The following SPPL3 variants were observed in gnomAD, a reference collection of about 807,000 sequenced individuals.
SPPL3 encodes signal peptide peptidase-like 3.
SPPL3 carries 5 observed loss-of-function variants against 42.4 expected under a neutral mutation model. The observed-to-expected ratio is 0.12, with a 90% confidence interval of 0.06 to 0.25. SPPL3 has a LOEUF of 0.25. SPPL3 is among the 10% of genes least tolerant of loss of function. The probability of loss-of-function intolerance (pLI) is 1.00; values close to 1 mark genes in which losing one functional copy is unlikely to be tolerated. For missense variants in SPPL3, 235 were observed against 489.0 expected, an observed-to-expected ratio of 0.48 and a Z score of 4.90; for synonymous variants, 195 against 181.8, an observed-to-expected ratio of 1.07 and a Z score of -0.58.
chr12:120,810,410 T>G (rs1592974126), intron 2 of SPPL3, among the ~76,000 whole-genome samples: 1 of 152,338 alleles, frequency 6.6e-6, no homozygotes, highest in Non-Finnish European at 1.5e-5. Context: ...AATGTTCTCT[T>G]TGTCATTTTA....
intron 1 of SPPL3, among the ~76,000 whole-genome samples, chr12:120,890,859 G>A (rs897090128): frequency 1.2e-4 from 18 of 152,272 alleles, no homozygotes; most frequent in Admixed American, 1.2e-3. Flanking sequence ...ATGTCTCCGA[G>A]GTATCTAGCT....
chr12:120,802,299 T>C (rs1229681593), intron 2 of SPPL3, among the ~76,000 whole-genome samples: 1 of 151,110 alleles, frequency 6.6e-6, no homozygotes, highest in African/African-American at 2.4e-5. Context: ...TGTATTTAGC[T>C]GGCAACATAA....
At chr12:120,788,466 T>A (rs1869795914) in intron 3 of SPPL3, among the ~76,000 whole-genome samples, 1 of 152,228 alleles carries the variant, frequency 6.6e-6, no homozygotes, top group Non-Finnish European at 1.5e-5. Context: ...AAGTTCTGAT[T>A]TTTTGGGGCA....
chr12:120,899,834 T>C (rs1364229513), intron 1 of SPPL3, among the ~76,000 whole-genome samples: 1 of 139,560 alleles, frequency 7.2e-6, no homozygotes, highest in Non-Finnish European at 1.5e-5. Context: ...CGGAGGTTGC[T>C]GTGAGCGGAG....
chr12:120,822,287 C>A (rs1005648057), intron 1 of SPPL3, among the ~76,000 whole-genome samples: 2 of 152,172 alleles, frequency 1.3e-5, no homozygotes, highest in Non-Finnish European at 2.9e-5. Context: ...ACAATAACAA[C>A]TTTTATAAAA....
chr12:120,859,898 G>A (rs552970307), intron 1 of SPPL3, among the ~76,000 whole-genome samples: 15 of 151,796 alleles, frequency 9.9e-5, no homozygotes, highest in Non-Finnish European at 1.6e-4. Context: ...AGCCAAGATC[G>A]CGCCACTGCA....
chr12:120,873,949 G>C (rs1404367362), intron 1 of SPPL3, among the ~76,000 whole-genome samples: 1 of 151,958 alleles, frequency 6.6e-6, no homozygotes, highest in Non-Finnish European at 1.5e-5. Context: ...GATCTTTAAA[G>C]TACTGAAGGA....
chr12:120,832,738 G>A (rs1451288846), intron 1 of SPPL3, among the ~76,000 whole-genome samples: 2 of 152,046 alleles, frequency 1.3e-5, no homozygotes, highest in Non-Finnish European at 1.5e-5. Flanking sequence ...TATATCCAAG[G>A]AAGAAACCCA....
In SPPL3 at chr12:120,876,572, G is replaced by A. The variant is rs578167508; in HGVS notation, c.23+27273C>T. Among the ~76,000 whole-genome samples, 61 of 133,052 alleles carry A rather than the reference G, an allele frequency of 4.6e-4. 1 individual carries two copies. The highest frequency in any genetic ancestry group is 1.4e-3 in the African/African-American group (49 of 34,836). The allele number at this position is 133,052 out of a possible 152,430, so 87.3% of individuals were successfully genotyped here. On this transcript the variant is annotated intron_variant, in intron 1 of 10. Transcript: ENST00000353487. ...GCAGAGCTTGCAGTGAGCCGAGATC[G>A]CGCCACTGCACTCCAGCCTGTGTGA...
chr12:120,830,580 G>GGAGGGAGAGAGAGAGAGA (rs1871392231), intron 1 of SPPL3, among the ~76,000 whole-genome samples: 1 of 7,312 alleles, frequency 1.4e-4, no homozygotes, highest in South Asian at 0.012. Flanking sequence ...AGGGGGGGAA[G>GGAGGGAGAGAGAGAGAGA]GAGAGAGAGA....
At chr12:120,817,247 A>G (rs1592977247) in intron 1 of SPPL3, among the ~76,000 whole-genome samples, 1 of 152,310 alleles carries the variant, frequency 6.6e-6, no homozygotes, top group Non-Finnish European at 1.5e-5. Flanking sequence ...ATGAGCCATG[A>G]TCGTGCCACT....
At chr12:120,837,744 T>A (rs1035961089) in intron 1 of SPPL3, among the ~76,000 whole-genome samples, 3 of 152,184 alleles carry the variant, frequency 2.0e-5, no homozygotes, top group Non-Finnish European at 4.4e-5. Flanking sequence ...CCTTCCAACA[T>A]TTATTCTCTC....
rs563354428 is a variant in SPPL3 at position 120,768,774 on chromosome 12, G to A, written c.609+179C>T. ...CACACACACACACTACCTACTGTAC[G>A]ACTTTTCAGCAAACAAAAGGATCGG... On this transcript the variant is annotated intron_variant, in intron 7 of 10. Transcript: ENST00000353487. 3.5e-5 allele frequency: 23 copies of A among 650,268 alleles called. 1 individual carries two copies. Among genetic ancestry groups the A allele is most frequent in the South Asian group, 2.6e-4 (13 of 50,976 alleles). 40.3% of individuals were successfully genotyped at this position (650,268 alleles called of 1,614,324 possible). A position where few individuals can be genotyped will look rare whatever the true frequency, so the allele number is the denominator to read the frequency against.
intron 1 of SPPL3, among the ~76,000 whole-genome samples, chr12:120,884,176 G>A (rs1348600454): frequency 2.6e-5 from 4 of 151,378 alleles, no homozygotes; most frequent in Non-Finnish European, 4.4e-5. Context: ...CAAAATTCAC[G>A]ACAGTGGTTA....
At chr12:120,843,004 G>C (rs991365631) in intron 1 of SPPL3, among the ~76,000 whole-genome samples, 3 of 152,138 alleles carry the variant, frequency 2.0e-5, no homozygotes, top group African/African-American at 4.8e-5. Context: ...ACTATTTCTA[G>C]GTTGAAATGT....
At position 120,901,952 on chromosome 12, in the gene SPPL3, T is replaced by C. The variant is rs999991965; in HGVS notation, c.23+1893A>G. 6 of 985,296 alleles carry C rather than the reference T, an allele frequency of 6.1e-6. No individual in the cohort carries two copies. In the South Asian group the frequency reaches 1.9e-4, roughly 31 times the overall value. 61.0% of individuals were successfully genotyped at this position (985,296 alleles called of 1,614,324 possible). A position where few individuals can be genotyped will look rare whatever the true frequency, so the allele number is the denominator to read the frequency against. ...TTCTTTCAACCATCCAGGGCCTCTGTACAGCACAGTAAAAACAGCAAAGCA... is the reference window on the plus strand; with the variant it reads ...TTCTTTCAACCATCCAGGGCCTCTGCACAGCACAGTAAAAACAGCAAAGCA... On this transcript the variant is annotated intron_variant, in intron 1 of 10. Coordinates refer to ENST00000353487, the MANE Select transcript of SPPL3 (RefSeq NM_139015.5).
At chr12:120,808,178 C>T (rs775098213) in intron 2 of SPPL3, among the ~76,000 whole-genome samples, 1 of 151,296 alleles carries the variant, frequency 6.6e-6, no homozygotes, top group Non-Finnish European at 1.5e-5. Flanking sequence ...CTGCTCACTG[C>T]AACCTCCGCC....
intron 2 of SPPL3, among the ~76,000 whole-genome samples, chr12:120,795,501 A>C (rs990936954): frequency 6.6e-6 from 1 of 152,220 alleles, no homozygotes. Flanking sequence ...TTGCTGTAGA[A>C]TCTTACAGTG....
chr12:120,877,483 A>C (rs967085964), intron 1 of SPPL3, among the ~76,000 whole-genome samples: 2 of 152,224 alleles, frequency 1.3e-5, no homozygotes, highest in African/African-American at 4.8e-5. Context: ...CCTGCCATAC[A>C]GAAAAAGCAT....
Sources: gnomAD v4.1 joint callset for allele counts (sites outside exome capture counted in the v4.1 genomes callset) on GRCh38, gnomAD v4.1.1 for gene constraint, MANE v1.5 for transcripts, NCBI Gene and HGNC (gene_info 2026-07-23, HGNC 2026-07-21) for gene names.